PRKRIP1: variants seen among roughly 807,000 people sequenced by gnomAD.
PRKRIP1 encodes the protein PRKR-interacting protein 1.
In PRKRIP1, 29 loss-of-function variants were observed where a neutral mutation model predicts 29.3. That is an observed-to-expected ratio of 0.99 (90% CI 0.74 to 1.35). The LOEUF is 1.35. Ranked by LOEUF, PRKRIP1 falls within the 40% of genes most tolerant of loss-of-function variation. The pLI is 0.00. For missense variants in PRKRIP1, 247 were observed against 236.8 expected, an observed-to-expected ratio of 1.04 and a Z score of -0.28; for synonymous variants, 90 against 85.1, an observed-to-expected ratio of 1.06 and a Z score of -0.32.
intron 5 of PRKRIP1, among the ~76,000 whole-genome samples, chr7:102,411,796 C>T (rs1455067479): frequency 9.7e-6 from 1 of 102,794 alleles, no homozygotes; most frequent in East Asian, 3.0e-4. Context: ...CTCACCAACA[C>T]TTATTTTCTG....
intron 5 of PRKRIP1, among the ~76,000 whole-genome samples, chr7:102,422,677 A>G (rs1354354541): frequency 1.5e-4 from 23 of 151,998 alleles, no homozygotes; most frequent in African/African-American, 5.6e-4. Context: ...AGGTTTCACC[A>G]TGTTGGCCAG....
At position 102,423,086 on chromosome 7, in the gene PRKRIP1, A is replaced by G. The variant is rs565451045; in HGVS notation, c.458-1928A>G. 45 of 447,068 alleles carry G rather than the reference A, an allele frequency of 1.0e-4. No homozygotes were observed. The East Asian group carries it at 2.4e-3, about 24-fold the overall frequency. 27.7% of individuals were successfully genotyped at this position (447,068 alleles called of 1,614,324 possible). ...ATCCAGCTCAACGAGTATTGTATTC[A>G]TCAGAAGCAGAATTAAAGATCAGAC... On this transcript the variant is annotated intron_variant, in intron 5 of 5. Transcript: ENST00000397912.
At chr7:102,424,348 C>T (rs1796780396) in intron 5 of PRKRIP1, among the ~76,000 whole-genome samples, 1 of 152,268 alleles carries the variant, frequency 6.6e-6, no homozygotes, top group Admixed American at 6.5e-5. Context: ...CCTGGCATGG[C>T]TGAGCCGGGC....
At chr7:102,396,930 C>T (rs1795918708) in intron 1 of PRKRIP1, among the ~76,000 whole-genome samples, 1 of 152,108 alleles carries the variant, frequency 6.6e-6, no homozygotes, top group Non-Finnish European at 1.5e-5. Flanking sequence ...ACTCCTCTCC[C>T]GCTCACACCC....
intron 5 of PRKRIP1, among the ~76,000 whole-genome samples, chr7:102,420,820 G>T (rs1109204): frequency 0.72 from 110,009 of 151,824 alleles, 40,152 homozygotes; most frequent in Middle Eastern, 0.84. Context: ...CATGCAAGAG[G>T]TCACAGTCGA....
At chr7:102,414,941 T>C (rs1372868724) in intron 5 of PRKRIP1, among the ~76,000 whole-genome samples, 1 of 152,064 alleles carries the variant, frequency 6.6e-6, no homozygotes, top group Non-Finnish European at 1.5e-5. Context: ...GGAATTACTA[T>C]ATCACAGAGT....
chr7:102,411,375 G>GTT (rs1373623577), intron 5 of PRKRIP1, among the ~76,000 whole-genome samples: 4 of 147,922 alleles, frequency 2.7e-5, no homozygotes, highest in African/African-American at 9.9e-5. Context: ...CTGGCTGCTT[G>GTT]TTTTTTTTTT....
At chr7:102,406,461 G>T (rs782281163) in intron 4 of PRKRIP1, among the ~76,000 whole-genome samples, 1 of 151,974 alleles carries the variant, frequency 6.6e-6, no homozygotes, top group East Asian at 1.9e-4. Flanking sequence ...TGATTTTTTT[G>T]ATTTTCGCTC....
chr7:102,404,821 A>G (rs1796169174), intron 4 of PRKRIP1, 138 bp downstream of exon 4: 1 of 589,756 alleles, frequency 1.7e-6, no homozygotes, highest in Non-Finnish European at 3.0e-6. Flanking sequence ...CTACTACCTG[A>G]GCAGAGAGCA....
chr7:102,408,627 A>G (rs930526944), intron 5 of PRKRIP1, among the ~76,000 whole-genome samples: 4 of 152,340 alleles, frequency 2.6e-5, no homozygotes, highest in East Asian at 1.9e-4. Context: ...GACTGCATCT[A>G]TGGCTATTCC....
At chr7:102,400,737 G>A (rs929776294) in intron 3 of PRKRIP1, among the ~76,000 whole-genome samples, 1 of 152,170 alleles carries the variant, frequency 6.6e-6, no homozygotes, top group Non-Finnish European at 1.5e-5. Context: ...CCAGTTTCAA[G>A]TGGTTCTCCT....
At chr7:102,397,732 G>A (rs1554570614) in intron 2 of PRKRIP1, 34 bp downstream of exon 2, 3 of 1,449,780 alleles carry the variant, frequency 2.1e-6, no homozygotes, top group South Asian at 1.2e-5. Flanking sequence ...GTGTGTGTGT[G>A]TGTGTAAATA....
At chr7:102,398,865 C>T (rs1586673074) in intron 2 of PRKRIP1, among the ~76,000 whole-genome samples, 1 of 152,144 alleles carries the variant, frequency 6.6e-6, no homozygotes, top group Non-Finnish European at 1.5e-5. Context: ...CACGGTGGCT[C>T]GTGCCTGTAA....
At chr7:102,411,937 TTTTGTTTGTTTG>T (rs141698178) in intron 5 of PRKRIP1, among the ~76,000 whole-genome samples, 1 of 151,100 alleles carries the variant, frequency 6.6e-6, no homozygotes, top group East Asian at 2.0e-4. Context: ...GTTGTTGTTG[TTTTGTTTGTTTG>T]TTTGTTTGTT....
chr7:102,398,538 G>A (rs559278838), intron 2 of PRKRIP1, among the ~76,000 whole-genome samples: 8 of 152,216 alleles, frequency 5.3e-5, no homozygotes, highest in Admixed American at 2.0e-4. Context: ...GCCCGCCTCA[G>A]CCTCCCAAAA....
At chr7:102,396,665 G>A in intron 1 of PRKRIP1, 128 bp downstream of exon 1, 1 of 1,005,064 alleles carries the variant, frequency 9.9e-7, no homozygotes, top group African/African-American at 1.7e-5. Flanking sequence ...CCCTCCAAGA[G>A]CAGTCTTTGG....
Position 102,419,845 on chromosome 7 carries a change from TTGTGTGTGTGTGTGTGTGTGTGTGTG to T in PRKRIP1, c.458-5143_458-5118del, listed in dbSNP as rs56752508. ...TGTGTGCTACTGTTTTTTTGTGTTT[TTGTGTGTGTGTGTGTGTGTGTGTGTG>T]TGTGTGTGTGTGTGTGTGTGTGTGT... On this transcript the variant is annotated intron_variant, in intron 5 of 5. Coordinates refer to ENST00000397912, the MANE Select transcript of PRKRIP1 (RefSeq NM_024653.4). Among the ~76,000 whole-genome samples the T allele has an allele frequency of 4.1e-4, 58 of 142,716 alleles. 1 individual carries two copies. Among genetic ancestry groups the T allele is most frequent in the Non-Finnish European group, 6.3e-4 (42 of 66,588 alleles). 93.6% of individuals were successfully genotyped at this position (142,716 alleles called of 152,430 possible).
chr7:102,415,511 C>T (rs782365227), intron 5 of PRKRIP1, among the ~76,000 whole-genome samples: 2 of 152,264 alleles, frequency 1.3e-5, no homozygotes, highest in Admixed American at 6.5e-5. Context: ...GCTGGGATTA[C>T]AGGCGTGAGC....
chr7:102,417,113 C>T (rs1161491808), intron 5 of PRKRIP1, among the ~76,000 whole-genome samples: 4 of 152,016 alleles, frequency 2.6e-5, no homozygotes, highest in African/African-American at 9.7e-5. Context: ...CCTCAGCCTC[C>T]CAAAGTCCTG....
Sources: allele counts gnomAD v4.1 joint callset (sites outside exome capture counted in the v4.1 genomes callset), GRCh38; gene constraint gnomAD v4.1.1; transcripts MANE v1.5; gene names NCBI Gene and HGNC (gene_info 2026-07-23, HGNC 2026-07-21).